PLCZ1: variants seen among roughly 807,000 people sequenced by gnomAD.
The protein encoded by PLCZ1 is 1-phosphatidylinositol 4,5-bisphosphate phosphodiesterase zeta-1.
A neutral mutation model predicts 76.8 loss-of-function variants in PLCZ1; 64 were observed. The observed-to-expected ratio is 0.83, with a 90% CI of 0.68 to 1.03. The LOEUF is 1.03. PLCZ1 is among the 50% of genes least tolerant of loss of function. The pLI is 0.00. For missense variants in PLCZ1, 751 were observed against 713.7 expected, an observed-to-expected ratio of 1.05 and a Z score of -0.60; for synonymous variants, 248 against 230.8, an observed-to-expected ratio of 1.07 and a Z score of -0.68.
chr12:18,722,396 A>G (rs1235762996), intron 4 of PLCZ1, among the ~76,000 whole-genome samples: 1 of 152,106 alleles, frequency 6.6e-6, no homozygotes, highest in Admixed American at 6.6e-5. Context: ...ATTTGAATAA[A>G]TTATGAATGT....
the PLCZ1 span, among the ~76,000 whole-genome samples, chr12:18,650,961 A>G: frequency 6.6e-6 from 1 of 151,428 alleles, no homozygotes; most frequent in Non-Finnish European, 1.5e-5. Context: ...TCTATTCTCA[A>G]CACAGCAATG....
intron 7 of PLCZ1, among the ~76,000 whole-genome samples, chr12:18,702,090 T>TTA: frequency 6.6e-6 from 1 of 152,268 alleles, no homozygotes; most frequent in East Asian, 1.9e-4. Context: ...ATATAAATAC[T>TTA]TACCATGATA....
intron 7 of PLCZ1, 55 bp downstream of exon 7, chr12:18,705,111 G>A (rs1389626195): frequency 1.6e-5 from 25 of 1,588,578 alleles, no homozygotes; most frequent in Non-Finnish European, 2.1e-5. Flanking sequence ...ATATAACAGT[G>A]ACATGTTTTC....
At chr12:18,659,921 A>G in the PLCZ1 span, among the ~76,000 whole-genome samples, 86 of 152,268 alleles carry the variant, frequency 5.6e-4, no homozygotes, top group African/African-American at 2.0e-3. Flanking sequence ...CTGAAATAAA[A>G]GAACTCTAGG....
At chr12:18,680,038 T>C (rs540349709), downstream of PLCZ1, among the ~76,000 whole-genome samples, 1 of 152,126 alleles carries the variant, frequency 6.6e-6, no homozygotes, top group East Asian at 1.9e-4. Flanking sequence ...TTAGAATGCA[T>C]CATAAGAACC....
intron 10 of PLCZ1, among the ~76,000 whole-genome samples, chr12:18,698,177 C>A (rs1435419820): frequency 6.6e-6 from 1 of 151,906 alleles, no homozygotes; most frequent in Non-Finnish European, 1.5e-5. Context: ...CAATCCAACT[C>A]ACATGCACGA....
At chr12:18,681,370 C>T (rs1166729766), downstream of PLCZ1, among the ~76,000 whole-genome samples, 1 of 152,014 alleles carries the variant, frequency 6.6e-6, no homozygotes, top group African/African-American at 2.4e-5. Flanking sequence ...GTTCATTTAG[C>T]CTTTTCCGAT....
At chr12:18,734,996 A>G (rs1906197) in intron 3 of PLCZ1, among the ~76,000 whole-genome samples, 6,033 of 152,196 alleles carry the variant, frequency 0.04, 175 homozygotes, top group Non-Finnish European at 0.058. Context: ...TGCTTTTTCT[A>G]TATTTTTGAG....
chr12:18,708,522 C>G (rs1448699480), intron 6 of PLCZ1, among the ~76,000 whole-genome samples: 1 of 152,116 alleles, frequency 6.6e-6, no homozygotes, highest in East Asian at 1.9e-4. Flanking sequence ...TGGGTATGTA[C>G]CCAGAAGAGG....
At chr12:18,681,463 C>T (rs531436017), downstream of PLCZ1, among the ~76,000 whole-genome samples, 5 of 152,176 alleles carry the variant, frequency 3.3e-5, no homozygotes, top group East Asian at 9.7e-4. Context: ...CTTCTCACAA[C>T]ATTCCCAACC....
the PLCZ1 span, among the ~76,000 whole-genome samples, chr12:18,668,409 G>C: frequency 6.6e-6 from 1 of 152,124 alleles, no homozygotes; most frequent in African/African-American, 2.4e-5. Flanking sequence ...GGAAAACCTT[G>C]CTCATCCATC....
chr12:18,736,959 A>C (rs1285130503), intron 2 of PLCZ1, among the ~76,000 whole-genome samples: 1 of 152,028 alleles, frequency 6.6e-6, no homozygotes, highest in South Asian at 2.1e-4. Flanking sequence ...AAACGAAAAA[A>C]ATTTTTAAAA....
the PLCZ1 span, among the ~76,000 whole-genome samples, chr12:18,648,633 G>A: frequency 2.0e-5 from 3 of 152,086 alleles, no homozygotes; most frequent in Non-Finnish European, 4.4e-5. Flanking sequence ...TCAATTCATT[G>A]TCACTGGATT....
the PLCZ1 span, among the ~76,000 whole-genome samples, chr12:18,654,301 A>T: frequency 6.6e-6 from 1 of 152,006 alleles, no homozygotes; most frequent in Admixed American, 6.6e-5. Context: ...ACCTAAAAAA[A>T]AAAAAAAAAA....
the PLCZ1 span, among the ~76,000 whole-genome samples, chr12:18,677,164 A>G: frequency 1.3e-5 from 2 of 152,250 alleles, no homozygotes; most frequent in East Asian, 3.9e-4. Flanking sequence ...AGATACTGTC[A>G]TATTCCAACA....
intron 12 of PLCZ1, chr12:18,693,050 G>T: frequency 6.8e-7 from 1 of 1,474,042 alleles, no homozygotes. Flanking sequence ...TAGAAGAAAA[G>T]CAAGAAGGGA....
At chr12:18,665,732 C>T in the PLCZ1 span, among the ~76,000 whole-genome samples, 2 of 151,894 alleles carry the variant, frequency 1.3e-5, no homozygotes, top group Admixed American at 6.6e-5. Flanking sequence ...GTCAGGAGAT[C>T]GAGACCATCC....
At position 18,705,273 on chromosome 12, in the gene PLCZ1, A is replaced by G; in HGVS notation, c.757T>C (p.Ser253Pro). The G allele has an allele frequency of 1.2e-6, 2 of 1,614,136 alleles. No homozygotes were observed. The highest frequency in any genetic ancestry group is 1.7e-6 in the Non-Finnish European group (2 of 1,180,008). The change falls in exon 7 of 15, where the codon TCC (serine) becomes CCC (proline). Residue 253 changes from serine (S) to proline (P), a missense_variant. Coordinates refer to ENST00000266505, the MANE Select transcript of PLCZ1 (RefSeq NM_033123.4). ...GCCATTACTTCTTGTTGGGCAGTGG[A>G]GCAGTGATTTTCTAAAGAGAGCACC... is the stretch of plus-strand genomic sequence containing the variant. ...PVVLSLENHCSTAQQEVMADN... is the reference protein window; with the variant it reads ...PVVLSLENHCPTAQQEVMADN...
Position 18,701,494 on chromosome 12 carries a change from ACCT to A in PLCZ1, c.1017+4_1017+6del, listed in dbSNP as rs1176216978. The A allele has an allele frequency of 6.2e-7, 1 of 1,613,960 alleles. No homozygotes were observed. On this transcript the variant is annotated splice_donor_5th_base_variant and intron_variant, in intron 9 of 14. Coordinates refer to ENST00000266505, the MANE Select transcript of PLCZ1 (RefSeq NM_033123.4). Reference sequence around the variant, plus strand: ...ACTTGTAAGATTTTCACAAAACACCACCTCACCTTCTTTTTCTTGAAAAGCATT... The same window carrying A: ...ACTTGTAAGATTTTCACAAAACACCACACCTTCTTTTTCTTGAAAAGCATT...
Sources: allele counts gnomAD v4.1 joint callset (sites outside exome capture counted in the v4.1 genomes callset), GRCh38; gene constraint gnomAD v4.1.1; transcripts MANE v1.5; gene names NCBI Gene and HGNC (gene_info 2026-07-23, HGNC 2026-07-21).